CLSPN: variants seen among roughly 807,000 people sequenced by gnomAD.
The protein encoded by CLSPN is claspin.
In CLSPN, 85 loss-of-function variants were observed where a neutral mutation model predicts 156.3. The ratio of observed to expected loss-of-function variants is 0.54; its 90% CI spans 0.46 to 0.65. The LOEUF (loss-of-function observed/expected upper bound fraction) is 0.65. Among genes scored for constraint, CLSPN ranks in the 30% least tolerant of loss-of-function variants. CLSPN has a pLI of 0.00. For synonymous variants in CLSPN, 534 were observed against 542.4 expected (o/e 0.98, Z 0.22); for missense variants, 1,407 against 1,554.9 (o/e 0.90, Z 1.60).
chr1:35,748,604 T>C lies in CLSPN; in HGVS notation c.2273A>G (p.Asp758Gly), dbSNP rs1364565222. ...ENSGKQPSKL[D>G]EDDSCSLLTK... ...TAGCAATGAACATGAATCATCCTCATCTAAAGAAAGAGAAACACCTTTTAA... is the reference window on the plus strand; with the variant it reads ...TAGCAATGAACATGAATCATCCTCACCTAAAGAAAGAGAAACACCTTTTAA... The change falls in exon 13 of 25, where the codon GAT becomes GGT. Residue 758 changes from aspartate to glycine, a missense_variant and splice_region_variant. By Grantham distance (94) the Asp-to-Gly change is moderately conservative. Around this residue, in one of 3 missense-constraint regions of CLSPN, gnomAD observed 1,096 missense variants for 1,193.0 expected, o/e 0.92. Coordinates refer to ENST00000318121, the MANE Select transcript of CLSPN (RefSeq NM_022111.4). 12 of 1,613,274 alleles carry C rather than the reference T, an allele frequency of 7.4e-6. 1 individual carries two copies. Among genetic ancestry groups the C allele is most frequent in the South Asian group, 3.3e-5 (3 of 91,060 alleles).
chr1:35,767,107 T>C (rs1642705346), intron 1 of CLSPN, among the ~76,000 whole-genome samples: 2 of 152,126 alleles, frequency 1.3e-5, no homozygotes, highest in South Asian at 2.1e-4. Flanking sequence ...TTAAAATACA[T>C]ACATATATGC....
rs767471279 is a variant in CLSPN at position 35,738,486 on chromosome 1, C to T, written c.3527G>A (p.Arg1176Gln). The T allele has an allele frequency of 2.5e-6, 4 of 1,613,790 alleles. No individual in the cohort carries two copies. Among genetic ancestry groups the T allele is most frequent in the African/African-American group, 1.3e-5 (1 of 74,888 alleles). The change falls in exon 21 of 25, where the codon CGA becomes CAA. Residue 1176 changes from arginine to glutamine, a missense_variant. By Grantham distance (43) the Arg-to-Gln change is conservative (BLOSUM62 1). Coordinates refer to ENST00000318121, the MANE Select transcript of CLSPN (RefSeq NM_022111.4). ...CCGAAGCCACTGCTCTCGTTCAATT[C>T]GCTCCTTCCTCCACCTGGCTTCTGA... The part of the protein sequence containing the change: ...DESEARWRKE[R>Q]IEREQWLRDM...
downstream of CLSPN, among the ~76,000 whole-genome samples, chr1:35,728,530 A>C (rs1641244753): frequency 6.6e-6 from 1 of 152,126 alleles, no homozygotes; most frequent in Non-Finnish European, 1.5e-5. Flanking sequence ...GATCATCAGA[A>C]AGTTGATGAT....
chr1:35,758,383 A>T (rs564159716), intron 8 of CLSPN, among the ~76,000 whole-genome samples: 7 of 152,172 alleles, frequency 4.6e-5, no homozygotes, highest in Non-Finnish European at 8.8e-5. Flanking sequence ...AGTGGCTCAC[A>T]CCTGTAATCC....
At position 35,736,481 on chromosome 1, in the gene CLSPN, G is replaced by C. The variant is rs565552761; in HGVS notation, c.*15C>G. 1.1e-5 allele frequency: 18 copies of C among 1,566,958 alleles called. No individual in the cohort carries two copies. In the East Asian group the frequency reaches 4.1e-4, roughly 36 times the overall value. ...CAAAGCAGTCTCAATGTAGATTTTG[G>C]CACCTTTGATGGTGTTAGCTCTCCA... On this transcript the variant is annotated 3_prime_UTR_variant, in exon 25 of 25. Transcript: ENST00000318121.
chr1:35,746,470 C>T lies in CLSPN; in HGVS notation c.2854+296G>A, dbSNP rs1426922540. ...AGTGCACTGGTGTGATCTCAGCTCA[C>T]TGCAACCTTCATCTCCCAGGCTCAA... On this transcript the variant is annotated intron_variant, in intron 15 of 24. Transcript: ENST00000318121. The surrounding 1 kb of genome is among the most constrained non-coding windows in gnomAD (Gnocchi z 4.2). 6.6e-6 allele frequency among the ~76,000 whole-genome samples: 1 copy of T among 151,998 alleles called. No homozygotes were observed. Among genetic ancestry groups the T allele is most frequent in the East Asian group, 1.9e-4 (1 of 5,178 alleles).
intron 10 of CLSPN, among the ~76,000 whole-genome samples, chr1:35,750,025 C>T (rs1642029315): frequency 6.6e-6 from 1 of 151,024 alleles, no homozygotes; most frequent in Admixed American, 6.6e-5. Flanking sequence ...CTTCTACCCT[C>T]CCGAAATTGC....
rs1354091382 is a variant in CLSPN at position 35,748,020 on chromosome 1, A to C, written c.2514T>G (p.Asp838Glu). 1.2e-6 allele frequency: 2 copies of C among 1,614,052 alleles called. No individual in the cohort carries two copies. Among genetic ancestry groups the C allele is most frequent in the African/African-American group, 2.7e-5 (2 of 74,938 alleles). ...GGGAGGCGTTATACAGATCCTGGGAATCCTCTATGGGAAGTGAAGGCTCAG... is the reference window on the plus strand; with the variant it reads ...GGGAGGCGTTATACAGATCCTGGGACTCCTCTATGGGAAGTGAAGGCTCAG... ...KLSEPSLPIE[D>E]SQDLYNASPE... Residue 838 changes from aspartate (D) to glutamate (E), a missense_variant, in exon 14 of 25, where the codon GAT (aspartate) becomes GAG (glutamate). Asp to Glu is a conservative substitution (Grantham distance 45, BLOSUM62 2). This residue lies in a region of CLSPN where 1,096 missense variants were observed against 1,193.0 expected (regional missense o/e 0.92). Coordinates refer to ENST00000318121, the MANE Select transcript of CLSPN (RefSeq NM_022111.4).
chr1:35,734,291 A>G lies in CLSPN; in HGVS notation c.*2205T>C, dbSNP rs1264439368. ...TAAGATTTATTGAAAAACTACATAC[A>G]TATTAAAACATCTTTATACACATTT... is the stretch of plus-strand genomic sequence containing the variant. On this transcript the variant is annotated 3_prime_UTR_variant, in exon 25 of 25. Transcript: ENST00000318121. 8.1e-6 allele frequency: 8 copies of G among 985,192 alleles called. No individual in the cohort carries two copies. The highest frequency in any genetic ancestry group is 9.6e-6 in the Non-Finnish European group (8 of 829,678). The allele number at this position is 985,192 out of a possible 1,614,324, so 61.0% of individuals were successfully genotyped here.
rs551648819 is a variant in CLSPN, at chr1:35,732,975, T to C, written c.*3521A>G. The C allele has an allele frequency of 1.7e-4, 165 of 985,072 alleles. 1 individual carries two copies. The highest frequency in any genetic ancestry group is 9.2e-4 in the African/African-American group (53 of 57,342). The allele number at this position is 985,072 out of a possible 1,614,324, so 61.0% of individuals were successfully genotyped here. A position where few individuals can be genotyped will look rare whatever the true frequency, so the allele number is the denominator to read the frequency against. On this transcript the variant is annotated 3_prime_UTR_variant, in exon 25 of 25. Coordinates refer to ENST00000318121, the MANE Select transcript of CLSPN (RefSeq NM_022111.4). Reference sequence around the variant, plus strand: ...CAGAAACCATTTTCTTTCTTTCTTTTTTTTTTTGAGAGGGAGTCTCACTCT... The same window carrying C: ...CAGAAACCATTTTCTTTCTTTCTTTCTTTTTTTGAGAGGGAGTCTCACTCT...
chr1:35,769,921 C>T lies in CLSPN; in HGVS notation c.-51G>A, dbSNP rs547831733. The stretch of plus-strand genomic sequence containing the variant: ...TAGGGACGGAGCTGTCTCTGATTCC[C>T]TCAGCCGGAGAGCAGCGGCTCCCGC... On this transcript the variant is annotated 5_prime_UTR_variant, in exon 1 of 25. Coordinates refer to ENST00000318121, the MANE Select transcript of CLSPN (RefSeq NM_022111.4). 19 of 1,600,008 alleles carry T rather than the reference C, an allele frequency of 1.2e-5. No individual in the cohort carries two copies. The East Asian group carries it at 3.9e-4, about 32-fold the overall frequency.
chr1:35,749,254 A>G (rs1212050255), intron 12 of CLSPN, among the ~76,000 whole-genome samples: 1 of 152,226 alleles, frequency 6.6e-6, no homozygotes, highest in Non-Finnish European at 1.5e-5. Flanking sequence ...ACACACATTC[A>G]CTAAGGACAT....
chr1:35,753,518 TG>T (rs767640304), intron 9 of CLSPN, among the ~76,000 whole-genome samples: 2 of 148,544 alleles, frequency 1.3e-5, no homozygotes, highest in Admixed American at 6.6e-5. Context: ...TTGTCTATAA[TG>T]GGGTTTTTTA....
chr1:35,740,130 G>A (rs891270529), intron 18 of CLSPN, among the ~76,000 whole-genome samples: 5 of 152,184 alleles, frequency 3.3e-5, no homozygotes, highest in African/African-American at 1.2e-4. Flanking sequence ...TTGCATTTGA[G>A]CACACCAGCT....
rs1557522748 is a variant in CLSPN, at chr1:35,762,393, C to T, written c.822+11G>A. On this transcript the variant is annotated intron_variant, in intron 5 of 24. Coordinates refer to ENST00000318121, the MANE Select transcript of CLSPN (RefSeq NM_022111.4). Reference sequence around the variant, plus strand: ...AGATCAGTGTGACTAATATACAGGGCTCTACCTCACCTTCCTCGTGGTTCC... The same window carrying T: ...AGATCAGTGTGACTAATATACAGGGTTCTACCTCACCTTCCTCGTGGTTCC... The T allele has an allele frequency of 6.8e-6, 11 of 1,606,660 alleles. No homozygotes were observed. The highest frequency in any genetic ancestry group is 9.4e-6 in the Non-Finnish European group (11 of 1,173,304).
intron 23 of CLSPN, 54 bp downstream of exon 23, chr1:35,737,285 G>A (rs532703088): frequency 1.4e-6 from 2 of 1,478,522 alleles, no homozygotes; most frequent in East Asian, 4.6e-5. Context: ...AGCTGGACCT[G>A]GGCCTTTATA....
intron 13 of CLSPN, 46 bp downstream of exon 13, chr1:35,748,359 G>T: frequency 6.5e-7 from 1 of 1,543,346 alleles, no homozygotes; most frequent in South Asian, 1.1e-5. Context: ...TTAGCAATGT[G>T]GGAAGCAAAG....
At chr1:35,743,627 AT>A (rs369236831) in intron 16 of CLSPN, 97 bp from the exon 17 acceptor site, 22,407 of 640,682 alleles carry the variant, frequency 0.035, no homozygotes, top group East Asian at 0.043. Context: ...GTGTGTGTTA[AT>A]TTTTTTTTTT....
chr1:35,732,661 C>T lies in CLSPN; in HGVS notation c.*3835G>A, dbSNP rs1020815867. On this transcript the variant is annotated 3_prime_UTR_variant, in exon 25 of 25. Transcript: ENST00000318121. Reference sequence around the variant, plus strand: ...CTACCCTATCTCCCACACTCATGGGCTCTCATCCCTCCAAATATGTAATTT... The same window carrying T: ...CTACCCTATCTCCCACACTCATGGGTTCTCATCCCTCCAAATATGTAATTT... 2 of 980,606 alleles carry T rather than the reference C, an allele frequency of 2.0e-6. No individual in the cohort carries two copies. The highest frequency in any genetic ancestry group is 3.5e-5 in the African/African-American group (2 of 57,128). 60.7% of individuals were successfully genotyped at this position (980,606 alleles called of 1,614,324 possible). A position where few individuals can be genotyped will look rare whatever the true frequency, so the allele number is the denominator to read the frequency against.
Sources: gnomAD v4.1 joint callset for allele counts (sites outside exome capture counted in the v4.1 genomes callset) on GRCh38, gnomAD v4.1.1 for gene constraint, gnomAD v4.1.1 regional missense constraint, Gnocchi (gnomAD v3.1) non-coding constraint, MANE v1.5 for transcripts, NCBI Gene and HGNC (gene_info 2026-07-23, HGNC 2026-07-21) for gene names.